The following INSL6 variants were observed in gnomAD, a reference collection of about 807,000 sequenced individuals.
INSL6 encodes the protein insulin-like peptide INSL6.
INSL6 carries 16 observed loss-of-function variants against 9.4 expected under a neutral mutation model. The observed-to-expected ratio is 1.70, with a 90% CI of 1.15 to 2.59. The LOEUF (loss-of-function observed/expected upper bound fraction) is 2.59, where lower values mean the gene tolerates loss of function less well. INSL6 is among the 30% of genes most tolerant of loss of function. The pLI is 0.00. For synonymous variants in INSL6, 154 were observed against 96.9 expected, an observed-to-expected ratio of 1.59 and a Z score of -3.46; for missense variants, 391 against 257.3, an observed-to-expected ratio of 1.52 and a Z score of -3.56.
chr9:5,092,641 T>G, the INSL6 span, among the ~76,000 whole-genome samples: 12 of 152,262 alleles, frequency 7.9e-5, no homozygotes, highest in African/African-American at 2.9e-4. Flanking sequence ...CCTTATACCT[T>G]CTGCATAAAG....
chr9:5,163,934 T>G lies in INSL6; in HGVS notation c.621A>C (p.Ser207=). The G allele has an allele frequency of 1.9e-6, 3 of 1,602,174 alleles. No individual in the cohort carries two copies. Among genetic ancestry groups the G allele is most frequent in the East Asian group, 2.2e-5 (1 of 44,774 alleles). The change falls in exon 2 of 2, where the codon TCA becomes TCC. Residue 207 remains serine, a synonymous_variant. Coordinates refer to ENST00000381641, the MANE Select transcript of INSL6 (RefSeq NM_007179.3). ...ATGGTTAGTATATCTTAGTTACAAG[T>G]GATGATCTTTTTTCCTTTAGCCTTT... ...DFKRLKEKRS[S]LVTKIY
chr9:5,100,306 C>G, the INSL6 span: 1 of 152,194 alleles, frequency 6.6e-6, no homozygotes, highest in Non-Finnish European at 1.5e-5. Flanking sequence ...GCTCTCTCAG[C>G]TCTACTAATA....
chr9:5,119,132 G>C (rs1161509499), downstream of INSL6, among the ~76,000 whole-genome samples: 1 of 152,102 alleles, frequency 6.6e-6, no homozygotes, highest in Non-Finnish European at 1.5e-5. Context: ...AGGTTGAGTA[G>C]ATTTTGTGAA....
At chr9:5,035,297 C>G in the INSL6 span, among the ~76,000 whole-genome samples, 1 of 152,168 alleles carries the variant, frequency 6.6e-6, no homozygotes, top group Non-Finnish European at 1.5e-5. Context: ...TGAATTCTAC[C>G]AGAGGTGCAA....
At chr9:5,112,749 G>A in the INSL6 span, 11 of 679,768 alleles carry the variant, frequency 1.6e-5, no homozygotes, top group African/African-American at 5.5e-5. Flanking sequence ...TTGAAACGGC[G>A]AGAAGAGAAG....
At chr9:5,082,228 T>C in the INSL6 span, among the ~76,000 whole-genome samples, 1 of 152,198 alleles carries the variant, frequency 6.6e-6, no homozygotes, top group Non-Finnish European at 1.5e-5. Flanking sequence ...CTGTTTTCAC[T>C]ATCTCAGCAA....
intron 1 of INSL6, among the ~76,000 whole-genome samples, chr9:5,172,011 G>C (rs925663341): frequency 1.2e-4 from 18 of 152,156 alleles, no homozygotes; most frequent in African/African-American, 4.3e-4. Flanking sequence ...AACCAAAAGA[G>C]CTCAAACAGC....
chr9:5,116,348 T>C, the INSL6 span, among the ~76,000 whole-genome samples: 2 of 152,212 alleles, frequency 1.3e-5, no homozygotes, highest in African/African-American at 4.8e-5. Context: ...TGGGTAGGTT[T>C]GAAATTTTTC....
chr9:5,114,543 C>G, the INSL6 span: 1 of 475,096 alleles, frequency 2.1e-6, no homozygotes, highest in Non-Finnish European at 4.1e-6. Flanking sequence ...CCAGGACAAG[C>G]GCACCCTCAC....
At chr9:5,112,759 G>C in the INSL6 span, 1 of 638,402 alleles carries the variant, frequency 1.6e-6, no homozygotes, top group Non-Finnish European at 2.4e-6. Context: ...GAGAAGAGAA[G>C]GTGTCGCGCG....
chr9:5,173,512 G>C (rs933667840), intron 1 of INSL6, among the ~76,000 whole-genome samples: 17 of 152,114 alleles, frequency 1.1e-4, no homozygotes, highest in African/African-American at 3.1e-4. Context: ...GGCAGGAAGA[G>C]AAAACCAAAC....
chr9:5,157,980 A>C (rs1586867613), intron 2 of INSL6, among the ~76,000 whole-genome samples: 1 of 152,226 alleles, frequency 6.6e-6, no homozygotes, highest in East Asian at 1.9e-4. Context: ...GAATTCTAAC[A>C]AATAAATTTA....
the INSL6 span, chr9:5,022,135 T>A: frequency 6.2e-7 from 1 of 1,614,156 alleles, no homozygotes; most frequent in Non-Finnish European, 8.5e-7. Flanking sequence ...CCTTGGGAAA[T>A]CTGAGGCAGA....
downstream of INSL6, among the ~76,000 whole-genome samples, chr9:5,119,023 G>A (rs1032163876): frequency 6.6e-6 from 1 of 152,016 alleles, no homozygotes; most frequent in Non-Finnish European, 1.5e-5. Context: ...ATTCAGAAAA[G>A]TTTGAAAAAA....
At chr9:5,116,981 T>C in the INSL6 span, among the ~76,000 whole-genome samples, 3 of 152,360 alleles carry the variant, frequency 2.0e-5, no homozygotes, top group South Asian at 2.1e-4. Flanking sequence ...ATTGGTTGAA[T>C]TGACCTCTCC....
chr9:5,086,072 A>G, the INSL6 span: 36 of 674,132 alleles, frequency 5.3e-5, 1 homozygote, highest in South Asian at 5.4e-4. Flanking sequence ...AGGGTATCTG[A>G]GACAAGTCAA....
chr9:4,997,418 C>A, the INSL6 span, among the ~76,000 whole-genome samples: 1 of 152,190 alleles, frequency 6.6e-6, no homozygotes, highest in Non-Finnish European at 1.5e-5. Context: ...AGGAATATCA[C>A]ATTTCAAGAG....
chr9:5,057,173 C>G, the INSL6 span, among the ~76,000 whole-genome samples: 1 of 151,840 alleles, frequency 6.6e-6, no homozygotes, highest in East Asian at 1.9e-4. Context: ...CATCATGTTT[C>G]TTGCTGAATT....
At chr9:5,091,921 G>C in the INSL6 span, among the ~76,000 whole-genome samples, 1 of 152,114 alleles carries the variant, frequency 6.6e-6, no homozygotes, top group East Asian at 1.9e-4. Context: ...GCTTTAGGTG[G>C]AGTGGTATAG....
Sources: allele counts gnomAD v4.1 joint callset (sites outside exome capture counted in the v4.1 genomes callset), GRCh38; gene constraint gnomAD v4.1.1; transcripts MANE v1.5; gene names NCBI Gene and HGNC (gene_info 2026-07-23, HGNC 2026-07-21).